The following CSMD3 variants were observed in gnomAD, a reference collection of about 807,000 sequenced individuals.
CSMD3 encodes the protein CUB and Sushi multiple domains 3, also known as CUB and sushi domain-containing protein 3.
Under a neutral mutation model 435.2 loss-of-function variants are expected in CSMD3, and 177 were observed. The ratio of observed to expected loss-of-function variants is 0.41; its 90% CI spans 0.36 to 0.46. The LOEUF is 0.46. Ranked by LOEUF, CSMD3 falls within the 20% of genes least tolerant of loss-of-function variation. The probability of loss-of-function intolerance (pLI) is 0.34; values close to 1 mark genes in which losing one functional copy is unlikely to be tolerated. For missense variants in CSMD3, 4,265 were observed against 4,504.6 expected (o/e 0.95, Z 1.52); for synonymous variants, 1,656 against 1,520.5 (o/e 1.09, Z -2.07).
chr8:113,151,722 T>C (rs1194600967), intron 4 of CSMD3, among the ~76,000 whole-genome samples: 1 of 152,138 alleles, frequency 6.6e-6, no homozygotes, highest in South Asian at 2.1e-4. Flanking sequence ...ACAGACACTT[T>C]GATGTAGTGA....
chr8:113,068,494 T>C (rs1242987279), intron 5 of CSMD3, among the ~76,000 whole-genome samples: 1 of 152,150 alleles, frequency 6.6e-6, no homozygotes, highest in East Asian at 1.9e-4. Context: ...TTTTCATATC[T>C]TTCCTATCTA....
chr8:113,155,691 T>A (rs561557079), intron 4 of CSMD3, among the ~76,000 whole-genome samples: 1 of 152,172 alleles, frequency 6.6e-6, no homozygotes, highest in African/African-American at 2.4e-5. Flanking sequence ...ACATTATAAT[T>A]TTAGATATCA....
intron 13 of CSMD3, among the ~76,000 whole-genome samples, chr8:112,736,281 G>C (rs552205445): frequency 3.9e-4 from 59 of 152,052 alleles, no homozygotes. Context: ...GTTAAAATTT[G>C]ATTATGACTG....
rs566395573 is a variant in CSMD3, at chr8:113,313,103, T to C, written c.401+1468A>G. ...TAGACATGCAGCAGGTTCATACACA[T>C]TTTCTCGTAATACCTGCAGAACAGT... On this transcript the variant is annotated intron_variant, in intron 2 of 70. Coordinates refer to ENST00000297405, the MANE Select transcript of CSMD3 (RefSeq NM_198123.2). 3 of 152,214 alleles carry C rather than the reference T, an allele frequency of 2.0e-5. No individual in the cohort carries two copies. In the South Asian group the frequency reaches 6.2e-4, roughly 32 times the overall value. 9.4% of individuals were successfully genotyped at this position (152,214 alleles called of 1,614,324 possible). A position where few individuals can be genotyped will look rare whatever the true frequency, so the allele number is the denominator to read the frequency against.
intron 35 of CSMD3, among the ~76,000 whole-genome samples, chr8:112,402,898 G>A (rs902061152): frequency 1.3e-5 from 2 of 152,012 alleles, no homozygotes; most frequent in African/African-American, 4.8e-5. Context: ...TGTTATAAAT[G>A]TTATTTATAA....
intron 13 of CSMD3, among the ~76,000 whole-genome samples, chr8:112,794,284 A>G (rs73342200): frequency 7.9e-6 from 1 of 126,078 alleles, no homozygotes; most frequent in Admixed American, 8.1e-5. Context: ...GGACTGATAA[A>G]CTTTTTTTTT....
At position 112,859,132 on chromosome 8, in the gene CSMD3, G is replaced by A. The variant is rs368279665; in HGVS notation, c.1755+13C>T. On this transcript the variant is annotated intron_variant, in intron 11 of 70. Transcript: ENST00000297405. Reference sequence around the variant, plus strand: ...ATGACTTTTTTTTTAAATCACAGATGGTGTTCTCTTACCTTATTTGTATTC... The same window carrying A: ...ATGACTTTTTTTTTAAATCACAGATAGTGTTCTCTTACCTTATTTGTATTC... The A allele has an allele frequency of 3.1e-6, 5 of 1,605,760 alleles. No individual in the cohort carries two copies. Among genetic ancestry groups the A allele is most frequent in the South Asian group, 1.1e-5 (1 of 90,838 alleles).
chr8:112,242,614 T>C (rs931761466), intron 65 of CSMD3, among the ~76,000 whole-genome samples: 3 of 152,018 alleles, frequency 2.0e-5, no homozygotes, highest in East Asian at 1.9e-4. Context: ...TAGGAAAATA[T>C]CTAAGGAGAT....
chr8:112,228,435 A>T lies in CSMD3; in HGVS notation c.10964+321T>A, dbSNP rs1462148114. Among the ~76,000 whole-genome samples the T allele has an allele frequency of 3.3e-5, 5 of 152,308 alleles. No individual in the cohort carries two copies. The East Asian group carries it at 9.7e-4, about 29-fold the overall frequency. On this transcript the variant is annotated intron_variant, in intron 70 of 70. Transcript: ENST00000297405. Reference sequence around the variant, plus strand: ...ACCTCTCCAATTTAAACTTTAACCTAGATTTTCTATCTCTAAAGTCTCATT... The same window carrying T: ...ACCTCTCCAATTTAAACTTTAACCTTGATTTTCTATCTCTAAAGTCTCATT...
chr8:112,322,377 T>A (rs1823082012), intron 45 of CSMD3, among the ~76,000 whole-genome samples: 1 of 152,028 alleles, frequency 6.6e-6, no homozygotes, highest in African/African-American at 2.4e-5. Context: ...ACAACATGGG[T>A]GCTGTGAGCT....
intron 22 of CSMD3, among the ~76,000 whole-genome samples, chr8:112,635,205 T>G (rs2074623979): frequency 6.6e-6 from 1 of 152,214 alleles, no homozygotes; most frequent in Admixed American, 6.6e-5. Flanking sequence ...GCTTCCTATA[T>G]TCAAGGGATT....
intron 12 of CSMD3, among the ~76,000 whole-genome samples, chr8:112,805,929 A>T (rs1457508297): frequency 6.6e-6 from 1 of 152,222 alleles, no homozygotes; most frequent in Non-Finnish European, 1.5e-5. Context: ...CAGAAACTAA[A>T]GAGCAATAAA....
Position 112,304,935 on chromosome 8 carries a change from T to C in CSMD3, c.8072-20A>G. On this transcript the variant is annotated intron_variant, in intron 51 of 70. Coordinates refer to ENST00000297405, the MANE Select transcript of CSMD3 (RefSeq NM_198123.2). Reference sequence around the variant, plus strand: ...TAACAACTATACAAAAACCAAAGGGTGTAATTGCTAACAAATCACTATATC... The same window carrying C: ...TAACAACTATACAAAAACCAAAGGGCGTAATTGCTAACAAATCACTATATC... 5 of 1,587,702 alleles carry C rather than the reference T, an allele frequency of 3.1e-6. No homozygotes were observed. Among genetic ancestry groups the C allele is most frequent in the Non-Finnish European group, 4.3e-6 (5 of 1,158,402 alleles).
intron 13 of CSMD3, among the ~76,000 whole-genome samples, chr8:112,788,814 G>C (rs2078617397): frequency 6.6e-6 from 1 of 152,064 alleles, no homozygotes; most frequent in Non-Finnish European, 1.5e-5. Context: ...AATTAAGTTA[G>C]ACATTTTAGA....
chr8:112,263,807 T>C lies in CSMD3; in HGVS notation c.9694A>G (p.Thr3232Ala). ...GAGATCTGGGGAGGAGTTGGGCAGG[T>C]AACAGCTGCAATTACATTAAAAGTG... ...SGVMPTCRAV[T>A]CPTPPQISNG... Residue 3232 changes from threonine (T) to alanine (A), a missense_variant, in exon 61 of 71, where the codon ACC becomes GCC. This residue lies in a region of CSMD3 where 3,255 missense variants were observed against 3,380.2 expected (regional missense o/e 0.96). Coordinates refer to ENST00000297405, the MANE Select transcript of CSMD3 (RefSeq NM_198123.2). The C allele has an allele frequency of 1.2e-6, 2 of 1,613,616 alleles. No individual in the cohort carries two copies. Among genetic ancestry groups the C allele is most frequent in the Admixed American group, 1.7e-5 (1 of 59,988 alleles).
chr8:113,069,441 AT>A (rs1487204199), intron 5 of CSMD3, among the ~76,000 whole-genome samples: 7 of 152,172 alleles, frequency 4.6e-5, no homozygotes, highest in African/African-American at 1.4e-4. Context: ...TACCCTATTT[AT>A]TTTAAATTCC....
intron 20 of CSMD3, 152 bp downstream of exon 20, chr8:112,644,957 T>A: frequency 1.5e-6 from 1 of 659,602 alleles, no homozygotes; most frequent in Non-Finnish European, 2.7e-6. Flanking sequence ...ATAATTTTTG[T>A]GGCAATTATT....
intron 32 of CSMD3, among the ~76,000 whole-genome samples, chr8:112,436,387 G>A (rs969051308): frequency 3.3e-5 from 5 of 151,832 alleles, no homozygotes; most frequent in African/African-American, 1.2e-4. Flanking sequence ...ACAAAGACAT[G>A]AGGTATACAG....
In CSMD3 at chr8:112,856,944, T is replaced by C. The variant is rs545805513; in HGVS notation, c.1755+2201A>G. ...ACTTCTAACAGTGTTTTTAAAACTA[T>C]GTGCTATAAACTGTTAGGGCATCAT... is the stretch of plus-strand genomic sequence containing the variant. On this transcript the variant is annotated intron_variant, in intron 11 of 70. Coordinates refer to ENST00000297405, the MANE Select transcript of CSMD3 (RefSeq NM_198123.2). 3.9e-5 allele frequency among the ~76,000 whole-genome samples: 6 copies of C among 151,976 alleles called. No homozygotes were observed. The South Asian group carries it at 1.0e-3, about 26-fold the overall frequency.
Sources: gnomAD v4.1 joint callset for allele counts (sites outside exome capture counted in the v4.1 genomes callset) on GRCh38, gnomAD v4.1.1 for gene constraint, gnomAD v4.1.1 regional missense constraint, MANE v1.5 for transcripts, NCBI Gene and HGNC (gene_info 2026-07-23, HGNC 2026-07-21) for gene names.